Variants in DRD3 observed in about 807,000 individuals in gnomAD.
DRD3 encodes the protein dopamine receptor D3, also known as D(3) dopamine receptor.
In DRD3, 19 loss-of-function variants were observed where a neutral mutation model predicts 36.3. The ratio of observed to expected loss-of-function variants is 0.52; its 90% CI spans 0.36 to 0.77. DRD3 has a LOEUF of 0.77. Among genes scored for constraint, DRD3 ranks in the 30% least tolerant of loss-of-function variants. DRD3 has a pLI of 0.00. For synonymous variants in DRD3, 195 were observed against 203.7 expected (o/e 0.96, Z 0.36); for missense variants, 465 against 505.3 (o/e 0.92, Z 0.77).
intron 2 of DRD3, among the ~76,000 whole-genome samples, chr3:114,163,809 G>A (rs2077755703): frequency 6.6e-6 from 1 of 152,150 alleles, no homozygotes; most frequent in Non-Finnish European, 1.5e-5. Context: ...GGTGAACTGA[G>A]GGCCCGGGAG....
rs569094671 is a variant in DRD3, at chr3:114,145,711, C to G, written c.526+1704G>C. On this transcript the variant is annotated intron_variant, in intron 4 of 6. Transcript: ENST00000383673. ...AAAATTATATAGACTCCAAATTTGC[C>G]TTGAAAATCTGAATCACATGTAAAG... Among the ~76,000 whole-genome samples, 24 of 152,170 alleles carry G rather than the reference C, an allele frequency of 1.6e-4. 1 individual carries two copies. The highest frequency in any genetic ancestry group is 3.4e-3 in the Middle Eastern group (1 of 294).
At chr3:114,164,931 A>G (rs2077769135) in intron 2 of DRD3, among the ~76,000 whole-genome samples, 1 of 152,026 alleles carries the variant, frequency 6.6e-6, no homozygotes, top group Admixed American at 6.6e-5. Context: ...TTGTATTTTT[A>G]GTAGAGACGG....
chr3:114,145,581 CAT>C (rs2077563303), intron 4 of DRD3, among the ~76,000 whole-genome samples: 1 of 152,202 alleles, frequency 6.6e-6, no homozygotes, highest in South Asian at 2.1e-4. Flanking sequence ...GGCATATTTA[CAT>C]ATGTTATCCC....
intron 4 of DRD3, among the ~76,000 whole-genome samples, chr3:114,142,454 A>G (rs1184112873): frequency 6.6e-6 from 1 of 152,184 alleles, no homozygotes; most frequent in Admixed American, 6.5e-5. Flanking sequence ...TAAATTTTAT[A>G]TATGAGCTAC....
At chr3:114,153,066 C>T (rs2077633424) in intron 3 of DRD3, among the ~76,000 whole-genome samples, 1 of 152,244 alleles carries the variant, frequency 6.6e-6, no homozygotes, top group South Asian at 2.1e-4. Flanking sequence ...CCAGCACTGG[C>T]AGTGTGCTTG....
intron 6 of DRD3, among the ~76,000 whole-genome samples, 174 bp downstream of exon 6, chr3:114,130,944 G>A (rs1242116463): frequency 6.6e-6 from 1 of 152,068 alleles, no homozygotes; most frequent in African/African-American, 2.4e-5. Flanking sequence ...TTTCAGCCTA[G>A]GTCTTTTGAA....
upstream of DRD3, among the ~76,000 whole-genome samples, chr3:114,181,443 A>G (rs962154859): frequency 6.6e-6 from 1 of 152,240 alleles, no homozygotes; most frequent in Non-Finnish European, 1.5e-5. Context: ...GGCACTTCCC[A>G]TTCATACAAC....
Position 114,128,963 on chromosome 3 carries a change from T to C in DRD3, c.1007-51A>G, listed in dbSNP as rs116227507. 1.8e-3 allele frequency: 2,729 copies of C among 1,487,018 alleles called. 36 individuals are homozygous for C. The African/African-American group carries it at 0.031, about 17-fold the overall frequency. 92.1% of individuals were successfully genotyped at this position (1,487,018 alleles called of 1,614,324 possible). ...TGGGTAAGGGATTTGCTTACTCCTT[T>C]TGTTATAACATGAGAATGACTCACG... On this transcript the variant is annotated intron_variant, in intron 6 of 6. Transcript: ENST00000383673.
chr3:114,167,668 G>C (rs1182758971), intron 2 of DRD3, among the ~76,000 whole-genome samples: 1 of 152,166 alleles, frequency 6.6e-6, no homozygotes, highest in Non-Finnish European at 1.5e-5. Context: ...ACCAATGAAA[G>C]CTGACTGTGG....
chr3:114,130,202 T>A (rs1185449217), intron 6 of DRD3, among the ~76,000 whole-genome samples: 1 of 152,054 alleles, frequency 6.6e-6, no homozygotes, highest in African/African-American at 2.4e-5. Context: ...AAGGCTGCAG[T>A]GAGCTATGAT....
intron 1 of DRD3, among the ~76,000 whole-genome samples, chr3:114,191,155 C>T (rs1048208314): frequency 3.3e-5 from 5 of 152,058 alleles, no homozygotes; most frequent in African/African-American, 4.8e-5. Context: ...TAAACATGAC[C>T]GATAGATCTC....
chr3:114,168,307 T>C (rs2077805605), intron 2 of DRD3, among the ~76,000 whole-genome samples: 1 of 152,212 alleles, frequency 6.6e-6, no homozygotes, highest in Admixed American at 6.5e-5. Context: ...AGTCTTTTTC[T>C]CACAGCATGA....
rs2077599000 is a variant in DRD3, at chr3:114,149,596, C to T, written c.384-2039G>A. On this transcript the variant is annotated intron_variant, in intron 3 of 6. Coordinates refer to ENST00000383673, the MANE Select transcript of DRD3 (RefSeq NM_000796.6). ...CTGTGACTATAATGCAATATCACTC[C>T]TGTGATCAGATTACTGATCAGTTGA... Among the ~76,000 whole-genome samples the T allele has an allele frequency of 2.0e-5, 3 of 152,176 alleles. No homozygotes were observed. In the South Asian group the frequency reaches 6.2e-4, roughly 32 times the overall value.
intron 4 of DRD3, among the ~76,000 whole-genome samples, chr3:114,145,157 A>G (rs954670338): frequency 3.9e-5 from 6 of 152,084 alleles, no homozygotes; most frequent in Non-Finnish European, 7.4e-5. Flanking sequence ...GCTTTTGGCT[A>G]GAGGGTAAGA....
chr3:114,130,145 G>A lies in DRD3; in HGVS notation c.1006+973C>T, dbSNP rs2077416153. Among the ~76,000 whole-genome samples the A allele has an allele frequency of 2.6e-5, 4 of 152,278 alleles. No individual in the cohort carries two copies. The South Asian group carries it at 8.3e-4, about 32-fold the overall frequency. On this transcript the variant is annotated intron_variant, in intron 6 of 6. Coordinates refer to ENST00000383673, the MANE Select transcript of DRD3 (RefSeq NM_000796.6). ...ATGGGGGCATACGCCTGTAGTTCTA[G>A]CTACTCGGGAGGCTCAGGCAGGAGG...
chr3:114,151,457 A>G (rs1439724967), intron 3 of DRD3, among the ~76,000 whole-genome samples: 2 of 152,060 alleles, frequency 1.3e-5, no homozygotes, highest in African/African-American at 4.8e-5. Flanking sequence ...TTATTTGCCA[A>G]TTTCTGTGGT....
intron 3 of DRD3, among the ~76,000 whole-genome samples, chr3:114,159,155 A>C (rs1321743913): frequency 2.0e-5 from 3 of 152,166 alleles, no homozygotes; most frequent in Non-Finnish European, 4.4e-5. Flanking sequence ...TCAAAATCAC[A>C]GCAATTCACC....
At chr3:114,162,175 A>G (rs192183521) in intron 2 of DRD3, among the ~76,000 whole-genome samples, 2 of 152,352 alleles carry the variant, frequency 1.3e-5, no homozygotes, top group Admixed American at 1.3e-4. Flanking sequence ...GCATTCATCA[A>G]TAAAATACTA....
intron 3 of DRD3, among the ~76,000 whole-genome samples, chr3:114,148,695 A>G (rs568293601): frequency 2.0e-5 from 3 of 152,218 alleles, no homozygotes; most frequent in Non-Finnish European, 2.9e-5. Context: ...ACCCTTTCAT[A>G]TAAGTTGCTT....
Sources: gnomAD v4.1 joint callset for allele counts (sites outside exome capture counted in the v4.1 genomes callset) on GRCh38, gnomAD v4.1.1 for gene constraint, MANE v1.5 for transcripts, NCBI Gene and HGNC (gene_info 2026-07-23, HGNC 2026-07-21) for gene names.